Variants in CASP9 observed in about 807,000 individuals in gnomAD.
CASP9 encodes the protein caspase-9.
A neutral mutation model predicts 43.5 loss-of-function variants in CASP9; 29 were observed. That is an observed-to-expected ratio of 0.67 (90% confidence interval 0.50 to 0.91). The LOEUF (loss-of-function observed/expected upper bound fraction) is 0.91, where lower values mean the gene tolerates loss of function less well. Among genes scored for constraint, CASP9 ranks in the 40% least tolerant of loss-of-function variants. The probability of loss-of-function intolerance (pLI) is 0.00; values close to 1 mark genes in which losing one functional copy is unlikely to be tolerated. For synonymous variants in CASP9, 206 were observed against 211.9 expected, an observed-to-expected ratio of 0.97 and a Z score of 0.24; for missense variants, 575 against 537.4, an observed-to-expected ratio of 1.07 and a Z score of -0.69.
chr1:15,501,978 C>T (rs929191289), intron 6 of CASP9, among the ~76,000 whole-genome samples: 21 of 152,120 alleles, frequency 1.4e-4, no homozygotes, highest in Non-Finnish European at 2.6e-4. Context: ...TCAAACTCCT[C>T]GTCTCAAGAG....
At chr1:15,505,274 G>C (rs548595327) in intron 5 of CASP9, among the ~76,000 whole-genome samples, 4 of 152,172 alleles carry the variant, frequency 2.6e-5, no homozygotes, top group Non-Finnish European at 5.9e-5. Context: ...GGGCCTGGGA[G>C]TCCACATTCT....
chr1:15,513,476 G>C (rs922312202), intron 2 of CASP9, among the ~76,000 whole-genome samples: 1 of 152,080 alleles, frequency 6.6e-6, no homozygotes, highest in East Asian at 1.9e-4. Context: ...GAAGGAAAAG[G>C]CATTTTCCTT....
At chr1:15,518,427 T>G (rs200669919) in intron 1 of CASP9, 32 bp from the exon 2 acceptor site, 18 of 1,595,532 alleles carry the variant, frequency 1.1e-5, no homozygotes, top group Non-Finnish European at 1.5e-5. Context: ...ATACTAATTA[T>G]CCACGTACTT....
intron 7 of CASP9, among the ~76,000 whole-genome samples, chr1:15,494,606 G>GT (rs1349853550): frequency 2.0e-5 from 3 of 149,824 alleles, no homozygotes. Context: ...GCTCACGCCT[G>GT]TAATCCCAGC....
intron 6 of CASP9, among the ~76,000 whole-genome samples, chr1:15,502,682 C>T (rs1345245407): frequency 6.6e-6 from 1 of 152,148 alleles, no homozygotes; most frequent in Admixed American, 6.5e-5. Flanking sequence ...CAAAGGCCCT[C>T]CCTGCTGTTG....
Position 15,518,203 on chromosome 1 carries a change from C to A in CASP9, c.325G>T (p.Val109Leu). Residue 109 changes from valine to leucine, a missense_variant, in exon 2 of 9, where the codon GTG becomes TTG. Transcript: ENST00000333868. ...TTGCGAATCTCTGGTCTGAGCACCACTGGGGTAAGGTTTTCTAGGGTTGGC... is the reference window on the plus strand; with the variant it reads ...TTGCGAATCTCTGGTCTGAGCACCAATGGGGTAAGGTTTTCTAGGGTTGGC... ...SKPTLENLTPVVLRPEIRKPE... is the reference protein window; with the variant it reads ...SKPTLENLTPLVLRPEIRKPE... 1.2e-6 allele frequency: 2 copies of A among 1,614,212 alleles called. No individual in the cohort carries two copies. The highest frequency in any genetic ancestry group is 2.2e-5 in the South Asian group (2 of 91,090).
intron 1 of CASP9, among the ~76,000 whole-genome samples, chr1:15,519,017 G>C (rs1710073430): frequency 6.6e-6 from 1 of 151,852 alleles, no homozygotes; most frequent in South Asian, 2.1e-4. Flanking sequence ...TGGGGTTACA[G>C]GCACACACCA....
intron 5 of CASP9, among the ~76,000 whole-genome samples, chr1:15,505,665 CAG>C (rs779207533): frequency 6.6e-6 from 1 of 152,022 alleles, no homozygotes; most frequent in African/African-American, 2.4e-5. Flanking sequence ...CCTCACAGGA[CAG>C]AGACAGGAGC....
chr1:15,509,337 G>A lies in CASP9; in HGVS notation c.419-1430C>T, dbSNP rs112619181. Among the ~76,000 whole-genome samples the A allele has an allele frequency of 9.5e-3, 1,446 of 152,014 alleles. 22 individuals carry two copies. The highest frequency in any genetic ancestry group is 0.032 in the African/African-American group (1,326 of 41,434). ...TGCGGGATAACCTTGAAAATGTGCT[G>A]CGTAAGGCCAGGTGCGGTGGCTCAC... On this transcript the variant is annotated intron_variant, in intron 2 of 8. Coordinates refer to ENST00000333868, the MANE Select transcript of CASP9 (RefSeq NM_001229.5).
At chr1:15,507,149 G>C (rs774037536) in intron 3 of CASP9, 74 bp from the exon 4 acceptor site, 8 of 1,578,438 alleles carry the variant, frequency 5.1e-6, no homozygotes, top group Non-Finnish European at 1.7e-6. Context: ...GAGGCGGGAA[G>C]AAAACGGGGT....
intron 2 of CASP9, among the ~76,000 whole-genome samples, chr1:15,513,195 T>G (rs1454944578): frequency 6.6e-6 from 1 of 152,050 alleles, no homozygotes; most frequent in Non-Finnish European, 1.5e-5. Flanking sequence ...CTCATTCTCT[T>G]TCTTGTCTGT....
intron 1 of CASP9, among the ~76,000 whole-genome samples, chr1:15,523,589 T>G (rs2103388098): frequency 6.6e-6 from 1 of 152,326 alleles, no homozygotes; most frequent in Non-Finnish European, 1.5e-5. Flanking sequence ...AAAATTTAAC[T>G]TGGGTCATAT....
chr1:15,508,011 C>G (rs1386102735), intron 2 of CASP9, 104 bp from the exon 3 acceptor site: 6 of 1,118,876 alleles, frequency 5.4e-6, no homozygotes, highest in Non-Finnish European at 6.7e-6. Context: ...AGCGAGAACT[C>G]AGACCCTCAG....
chr1:15,493,082 C>T, intron 8 of CASP9, 47 bp from the exon 9 acceptor site: 1 of 1,610,050 alleles, frequency 6.2e-7, no homozygotes, highest in East Asian at 2.2e-5. Context: ...GTTCTCTGGA[C>T]TGAAGGAAGA....
chr1:15,504,239 C>G (rs921662302), intron 6 of CASP9, among the ~76,000 whole-genome samples: 1 of 152,168 alleles, frequency 6.6e-6, no homozygotes, highest in Non-Finnish European at 1.5e-5. Flanking sequence ...CTGTGGCCAC[C>G]CTTTCTCTGG....
At chr1:15,497,644 GAA>G (rs71306992) in intron 6 of CASP9, among the ~76,000 whole-genome samples, 1,297 of 113,078 alleles carry the variant, frequency 0.011, 19 homozygotes, top group African/African-American at 0.042. Context: ...TCTGTCTCAA[GAA>G]AAAAAAAAAA....
intron 1 of CASP9, among the ~76,000 whole-genome samples, chr1:15,521,607 C>G (rs1013158806): frequency 2.6e-5 from 4 of 152,268 alleles, no homozygotes; most frequent in African/African-American, 9.6e-5. Flanking sequence ...AGGGAAGGGC[C>G]CCCTGTCCTA....
intron 1 of CASP9, 46 bp downstream of exon 1, chr1:15,524,023 T>G (rs577123773): frequency 1.1e-5 from 15 of 1,380,818 alleles, no homozygotes; most frequent in African/African-American, 1.5e-5. Context: ...TCGAGGGGCG[T>G]GGGGACCCGG....
At chr1:15,507,146 G>A (rs749186705) in intron 3 of CASP9, 71 bp from the exon 4 acceptor site, 4 of 1,582,172 alleles carry the variant, frequency 2.5e-6, no homozygotes, top group South Asian at 1.1e-5. Flanking sequence ...GGAGAGGCGG[G>A]AAGAAAACGG....
Sources: allele counts gnomAD v4.1 joint callset (sites outside exome capture counted in the v4.1 genomes callset), GRCh38; gene constraint gnomAD v4.1.1; transcripts MANE v1.5; gene names NCBI Gene and HGNC (gene_info 2026-07-23, HGNC 2026-07-21).